Variants in CDYL2 observed in about 807,000 individuals in gnomAD.
CDYL2 encodes chromodomain Y-like protein 2.
In CDYL2, 23 loss-of-function variants were observed where a neutral mutation model predicts 49.4. The ratio of observed to expected loss-of-function variants is 0.47; its 90% CI spans 0.34 to 0.66. CDYL2 has a LOEUF of 0.66. Among genes scored for constraint, CDYL2 ranks in the 30% least tolerant of loss-of-function variants. CDYL2 has a pLI of 0.01. For synonymous variants in CDYL2, 360 were observed against 268.8 expected (o/e 1.34, Z -3.32); for missense variants, 678 against 656.4 (o/e 1.03, Z -0.36).
chr16:80,721,544 G>A (rs1012677970), intron 1 of CDYL2, among the ~76,000 whole-genome samples: 4 of 152,156 alleles, frequency 2.6e-5, no homozygotes, highest in Non-Finnish European at 5.9e-5. Context: ...CTTGTCTGCA[G>A]GAGCCCAGTC....
intron 2 of CDYL2, among the ~76,000 whole-genome samples, chr16:80,639,068 G>A (rs1181210377): frequency 6.6e-6 from 1 of 152,172 alleles, no homozygotes; most frequent in Non-Finnish European, 1.5e-5. Flanking sequence ...CAACAAAGAA[G>A]TTATACAGAT....
chr16:80,680,986 T>A (rs1422000585), intron 2 of CDYL2, among the ~76,000 whole-genome samples: 1 of 152,088 alleles, frequency 6.6e-6, no homozygotes, highest in Non-Finnish European at 1.5e-5. Context: ...AAGAGCAGTG[T>A]AGAACTGCTG....
intron 2 of CDYL2, among the ~76,000 whole-genome samples, chr16:80,641,876 A>G (rs1048663293): frequency 1.3e-5 from 2 of 151,864 alleles, no homozygotes; most frequent in African/African-American, 4.8e-5. Context: ...GTGCACATGT[A>G]CCCTAAAACT....
chr16:80,759,115 TATA>T (rs1906426515), intron 1 of CDYL2, among the ~76,000 whole-genome samples: 1 of 119,250 alleles, frequency 8.4e-6, no homozygotes, highest in African/African-American at 3.8e-5. Flanking sequence ...TATATATATA[TATA>T]TATATATATA....
rs925970627 is a variant in CDYL2 at position 80,602,860 on chromosome 16, C to T, written c.*1528G>A. ...TGGGTGCTTGACCCATGGTTTAAAC[C>T]TCACGCAGAACACATCCCTTCCATT... On this transcript the variant is annotated 3_prime_UTR_variant, in exon 7 of 7. Coordinates refer to ENST00000570137, the MANE Select transcript of CDYL2 (RefSeq NM_152342.4). The T allele has an allele frequency of 5.9e-5, 9 of 152,120 alleles. No homozygotes were observed. The highest frequency in any genetic ancestry group is 5.2e-4 in the Admixed American group (8 of 15,272). 9.4% of individuals were successfully genotyped at this position (152,120 alleles called of 1,614,324 possible).
chr16:80,744,183 T>C (rs1342463091), intron 1 of CDYL2, among the ~76,000 whole-genome samples: 1 of 152,188 alleles, frequency 6.6e-6, no homozygotes, highest in Non-Finnish European at 1.5e-5. Flanking sequence ...ATCAGTGTGA[T>C]TCTAAGTCCA....
intron 1 of CDYL2, among the ~76,000 whole-genome samples, chr16:80,796,814 G>C (rs978928721): frequency 2.6e-5 from 4 of 152,054 alleles, no homozygotes; most frequent in African/African-American, 9.7e-5. Context: ...AAATCCAGAA[G>C]ACCCAAACTC....
intron 1 of CDYL2, among the ~76,000 whole-genome samples, chr16:80,750,945 G>A (rs1036725533): frequency 1.4e-4 from 21 of 152,052 alleles, no homozygotes; most frequent in Admixed American, 1.0e-3. Context: ...GCGTGAACCC[G>A]GGAGGTGGAG....
At chr16:80,704,310 C>A (rs1026929722) in intron 1 of CDYL2, among the ~76,000 whole-genome samples, 24 of 152,228 alleles carry the variant, frequency 1.6e-4, no homozygotes, top group African/African-American at 5.5e-4. Flanking sequence ...ACACTCCAGG[C>A]AGCCACAGCT....
chr16:80,759,101 A>AATATATATATATAT (rs1906421754), intron 1 of CDYL2, among the ~76,000 whole-genome samples: 2 of 29,314 alleles, frequency 6.8e-5, no homozygotes, highest in Admixed American at 5.0e-4. Flanking sequence ...CAAACCATAT[A>AATATATATATATAT]CTATATATAT....
chr16:80,643,982 T>C (rs139981507), intron 2 of CDYL2, among the ~76,000 whole-genome samples: 2 of 152,192 alleles, frequency 1.3e-5, no homozygotes, highest in Non-Finnish European at 2.9e-5. Flanking sequence ...AACAAAAAAA[T>C]GGGTTTTCTT....
At chr16:80,763,422 G>T (rs914791355) in intron 1 of CDYL2, among the ~76,000 whole-genome samples, 1 of 84,174 alleles carries the variant, frequency 1.2e-5, no homozygotes, top group African/African-American at 4.6e-5. Context: ...TGGCCAACAT[G>T]GTGAAACCCT....
chr16:80,749,104 A>C (rs1906040149), intron 1 of CDYL2, among the ~76,000 whole-genome samples: 1 of 152,110 alleles, frequency 6.6e-6, no homozygotes, highest in African/African-American at 2.4e-5. Flanking sequence ...AACTTGACCA[A>C]AATATTAAGA....
At chr16:80,690,439 G>A (rs1335080682) in intron 1 of CDYL2, among the ~76,000 whole-genome samples, 1 of 152,174 alleles carries the variant, frequency 6.6e-6, no homozygotes, top group Non-Finnish European at 1.5e-5. Flanking sequence ...GCCAGCTGCT[G>A]CTGTACTTGA....
intron 1 of CDYL2, among the ~76,000 whole-genome samples, chr16:80,740,138 G>C (rs1347825053): frequency 6.6e-6 from 1 of 152,148 alleles, no homozygotes; most frequent in South Asian, 2.1e-4. Flanking sequence ...ACAACCACAT[G>C]GACAAGTTTG....
intron 2 of CDYL2, among the ~76,000 whole-genome samples, chr16:80,646,615 C>A (rs969174386): frequency 6.6e-6 from 1 of 151,996 alleles, no homozygotes; most frequent in African/African-American, 2.4e-5. Context: ...ATGGTGAAAC[C>A]CTATCTCTAC....
At chr16:80,772,365 C>A (rs1327411717) in intron 1 of CDYL2, among the ~76,000 whole-genome samples, 1 of 152,158 alleles carries the variant, frequency 6.6e-6, no homozygotes, top group African/African-American at 2.4e-5. Flanking sequence ...ATAAAACACT[C>A]AAAAACAACA....
intron 1 of CDYL2, among the ~76,000 whole-genome samples, chr16:80,686,682 T>C (rs1910208668): frequency 6.6e-6 from 1 of 152,228 alleles, no homozygotes; most frequent in Admixed American, 6.5e-5. Flanking sequence ...CTTTGAAAAG[T>C]GGGATTGTCT....
chr16:80,767,137 T>G (rs1906754435), intron 1 of CDYL2, among the ~76,000 whole-genome samples: 1 of 152,000 alleles, frequency 6.6e-6, no homozygotes, highest in Admixed American at 6.6e-5. Context: ...CAAACAGCAG[T>G]GACAAATAGA....
Sources: gnomAD v4.1 joint callset for allele counts (sites outside exome capture counted in the v4.1 genomes callset) on GRCh38, gnomAD v4.1.1 for gene constraint, MANE v1.5 for transcripts, NCBI Gene and HGNC (gene_info 2026-07-23, HGNC 2026-07-21) for gene names.